Variants in GLDN observed in about 807,000 individuals in gnomAD.
The protein encoded by GLDN is collomin.
Under a neutral mutation model 56.5 loss-of-function variants are expected in GLDN, and 47 were observed. The ratio of observed to expected loss-of-function variants is 0.83; its 90% CI spans 0.66 to 1.06. GLDN has a LOEUF of 1.06. GLDN is among the 50% of genes least tolerant of loss of function. The pLI is 0.00. For missense variants in GLDN, 782 were observed against 714.3 expected (o/e 1.09, Z -1.08); for synonymous variants, 332 against 278.8 (o/e 1.19, Z -1.90).
rs2038163447 is a variant in GLDN at position 51,397,609 on chromosome 15, C to T, written c.817+11C>T. ...ACGGCCAGTGCCCAGGTCACCACCT[C>T]TCCCCTACGGGGCCCACCTCTTCTG... is the stretch of plus-strand genomic sequence containing the variant. On this transcript the variant is annotated intron_variant, in intron 6 of 9. Coordinates refer to ENST00000335449, the MANE Select transcript of GLDN (RefSeq NM_181789.4). 1 of 1,573,642 alleles carries T rather than the reference C, an allele frequency of 6.4e-7. No homozygotes were observed. The highest frequency in any genetic ancestry group is 8.6e-7 in the Non-Finnish European group (1 of 1,157,878).
chr15:51,392,459 A>C (rs1265457589), intron 4 of GLDN, among the ~76,000 whole-genome samples: 1 of 152,230 alleles, frequency 6.6e-6, no homozygotes, highest in African/African-American at 2.4e-5. Context: ...CATGAAAACA[A>C]GCTCAGGGCT....
Position 51,381,180 on chromosome 15 carries a change from C to T in GLDN, c.416-2256C>T, listed in dbSNP as rs577557144. On this transcript the variant is annotated intron_variant, in intron 2 of 9. Transcript: ENST00000335449. ...CGGCTAACGTGTCCTGAATATACAG[C>T]TTCAGCCGGGAGCTCTCACCAACAG... Among the ~76,000 whole-genome samples, 9 of 152,320 alleles carry T rather than the reference C, an allele frequency of 5.9e-5. No individual in the cohort carries two copies. The South Asian group carries it at 1.9e-3, about 32-fold the overall frequency.
At chr15:51,360,104 C>T (rs533094060) in intron 1 of GLDN, 80 of 152,192 alleles carry the variant, frequency 5.3e-4, no homozygotes, top group African/African-American at 1.9e-3. Flanking sequence ...CTTCAAAAGT[C>T]TGCCCTGGGC....
At chr15:51,345,970 T>A (rs2036971220) in intron 1 of GLDN, among the ~76,000 whole-genome samples, 1 of 152,214 alleles carries the variant, frequency 6.6e-6, no homozygotes, top group African/African-American at 2.4e-5. Context: ...GAAGAAAAGA[T>A]GTGCAAAACC....
intron 3 of GLDN, 133 bp downstream of exon 3, chr15:51,383,586 C>T (rs960041477): frequency 8.7e-7 from 1 of 1,144,868 alleles, no homozygotes; most frequent in Non-Finnish European, 1.3e-6. Context: ...TTCTTTGTGC[C>T]CCTCACCTGA....
chr15:51,361,960 G>T (rs2037308824), intron 1 of GLDN, among the ~76,000 whole-genome samples: 1 of 152,082 alleles, frequency 6.6e-6, no homozygotes, highest in African/African-American at 2.4e-5. Context: ...AAGCAGAGAG[G>T]AGGATTAGGG....
At chr15:51,389,666 G>A (rs2141113069) in intron 4 of GLDN, among the ~76,000 whole-genome samples, 1 of 152,242 alleles carries the variant, frequency 6.6e-6, no homozygotes, top group South Asian at 2.1e-4. Flanking sequence ...GGGGAACAGG[G>A]CCCAGTCCCA....
intron 2 of GLDN, among the ~76,000 whole-genome samples, chr15:51,381,913 C>T (rs1325908415): frequency 6.6e-6 from 1 of 152,072 alleles, no homozygotes; most frequent in Non-Finnish European, 1.5e-5. Flanking sequence ...CAGCATCATC[C>T]CCCTGCCTAA....
intron 1 of GLDN, among the ~76,000 whole-genome samples, chr15:51,371,534 G>A (rs1165794672): frequency 6.6e-6 from 1 of 152,196 alleles, no homozygotes; most frequent in Non-Finnish European, 1.5e-5. Context: ...CTAATCCAAT[G>A]AGAATAGTTC....
intron 1 of GLDN, among the ~76,000 whole-genome samples, chr15:51,365,468 G>A (rs1420032657): frequency 6.6e-6 from 1 of 152,120 alleles, no homozygotes; most frequent in Non-Finnish European, 1.5e-5. Flanking sequence ...TTAGGTATGT[G>A]TTTCAAAAAG....
intron 6 of GLDN, among the ~76,000 whole-genome samples, chr15:51,398,764 C>T (rs1299879847): frequency 1.3e-5 from 2 of 152,206 alleles, no homozygotes; most frequent in Non-Finnish European, 2.9e-5. Context: ...GCCTCCCCAG[C>T]CATTAGCATC....
At chr15:51,385,628 G>C (rs2037874892) in intron 4 of GLDN, 1 of 152,232 alleles carries the variant, frequency 6.6e-6, no homozygotes, top group Non-Finnish European at 1.5e-5. Flanking sequence ...ATTTATGTGG[G>C]GTTAGAGGTG....
At chr15:51,412,335 T>C (rs1053042046), downstream of GLDN, among the ~76,000 whole-genome samples, 2 of 152,346 alleles carry the variant, frequency 1.3e-5, no homozygotes, top group African/African-American at 4.8e-5. Flanking sequence ...CTTTCTATTG[T>C]AGTGATAAGG....
chr15:51,369,728 A>G (rs1229791030), intron 1 of GLDN, among the ~76,000 whole-genome samples: 2 of 152,236 alleles, frequency 1.3e-5, no homozygotes, highest in South Asian at 2.1e-4. Context: ...TTACACATCT[A>G]TTAGTAAAAA....
At position 51,384,035 on chromosome 15, in the gene GLDN, A is replaced by G. The variant is rs2168623; in HGVS notation, c.541+143A>G. 0.19 allele frequency: 135,303 copies of G among 726,114 alleles called. 14,181 individuals are homozygous for G. Among genetic ancestry groups the G allele is most frequent in the African/African-American group, 0.35 (19,694 of 56,720 alleles). 45.0% of individuals were successfully genotyped at this position (726,114 alleles called of 1,614,324 possible). On this transcript the variant is annotated intron_variant, in intron 4 of 9. Transcript: ENST00000335449. ...CCGGTTTAACTCTTACCTAGAAGCC[A>G]TTGCGTTCCGGGATACCAAGGGTAT...
chr15:51,386,198 C>G (rs1265375899), intron 4 of GLDN, among the ~76,000 whole-genome samples: 1 of 152,134 alleles, frequency 6.6e-6, no homozygotes, highest in South Asian at 2.1e-4. Flanking sequence ...CATTAGACCG[C>G]GAAGCCTCCA....
At chr15:51,393,450 G>T (rs1236111366) in intron 4 of GLDN, among the ~76,000 whole-genome samples, 1 of 152,302 alleles carries the variant, frequency 6.6e-6, no homozygotes, top group East Asian at 1.9e-4. Context: ...CCGTGGGAAT[G>T]AGGACTTTTT....
In GLDN at chr15:51,404,415, G is replaced by C. The variant is rs149359078; in HGVS notation, c.1317G>C (p.Ala439=). The C allele has an allele frequency of 1.9e-6, 3 of 1,614,150 alleles. No individual in the cohort carries two copies. Among genetic ancestry groups the C allele is most frequent in the Non-Finnish European group, 2.5e-6 (3 of 1,180,032 alleles). ...VDEKGLWIIY[A]SSVDGSSILV... ...AAAAGGGCCTTTGGATTATCTATGC[G>C]TCAAGTGTGGACGGCTCGAGCATTC... Residue 439 remains alanine, a synonymous_variant, in exon 10 of 10, where the codon GCG becomes GCC. Transcript: ENST00000335449.
chr15:51,378,860 G>A (rs1366118903), intron 2 of GLDN, among the ~76,000 whole-genome samples: 1 of 152,206 alleles, frequency 6.6e-6, no homozygotes, highest in Non-Finnish European at 1.5e-5. Context: ...TGAGTGACAG[G>A]ACCCAGGAAT....
Sources: allele counts gnomAD v4.1 joint callset (sites outside exome capture counted in the v4.1 genomes callset), GRCh38; gene constraint gnomAD v4.1.1; transcripts MANE v1.5; gene names NCBI Gene and HGNC (gene_info 2026-07-23, HGNC 2026-07-21).